The following TCF7L1 variants were observed in gnomAD, a reference collection of about 807,000 sequenced individuals.
The protein encoded by TCF7L1 is transcription factor 7 like 1, also known as transcription factor 7-like 1.
TCF7L1 carries 18 observed loss-of-function variants against 63.7 expected under a neutral mutation model. The observed-to-expected ratio is 0.28, with a 90% confidence interval of 0.20 to 0.42. TCF7L1 has a LOEUF of 0.42. Ranked by LOEUF, TCF7L1 falls within the 10% of genes least tolerant of loss-of-function variation. The pLI is 1.00. For synonymous variants in TCF7L1, 355 were observed against 340.9 expected (o/e 1.04, Z -0.46); for missense variants, 654 against 779.3 (o/e 0.84, Z 1.91).
intron 3 of TCF7L1, among the ~76,000 whole-genome samples, chr2:85,263,756 A>T: frequency 6.6e-6 from 1 of 152,218 alleles, no homozygotes; most frequent in Non-Finnish European, 1.5e-5. Flanking sequence ...AGCTGCAGAG[A>T]TGAGCGTGAT....
chr2:85,293,415 C>T (rs528983491), intron 4 of TCF7L1, among the ~76,000 whole-genome samples: 10 of 152,318 alleles, frequency 6.6e-5, no homozygotes, highest in Non-Finnish European at 1.2e-4. Flanking sequence ...AAGTAAGATG[C>T]GCCTGCTTCC....
At chr2:85,281,604 G>C (rs2104366683) in intron 3 of TCF7L1, among the ~76,000 whole-genome samples, 1 of 152,278 alleles carries the variant, frequency 6.6e-6, no homozygotes, top group South Asian at 2.1e-4. Flanking sequence ...GATAGGGTCA[G>C]CAGAGGACAG....
At chr2:85,266,791 A>G (rs1680985573) in intron 3 of TCF7L1, among the ~76,000 whole-genome samples, 1 of 152,204 alleles carries the variant, frequency 6.6e-6, no homozygotes, top group South Asian at 2.1e-4. Flanking sequence ...ATTTGCTTAC[A>G]TTAGTATTTC....
intron 4 of TCF7L1, among the ~76,000 whole-genome samples, chr2:85,286,006 A>G (rs999504453): frequency 6.6e-6 from 1 of 151,768 alleles, no homozygotes; most frequent in Non-Finnish European, 1.5e-5. Flanking sequence ...AGCCTGACCA[A>G]TGTGGAGAAA....
intron 3 of TCF7L1, among the ~76,000 whole-genome samples, chr2:85,201,641 G>C (rs891775000): frequency 6.6e-6 from 1 of 152,112 alleles, no homozygotes; most frequent in Non-Finnish European, 1.5e-5. Flanking sequence ...GCTGGGTTGC[G>C]TGGTCACTTT....
chr2:85,255,225 C>G (rs1244815223), intron 3 of TCF7L1, among the ~76,000 whole-genome samples: 1 of 152,136 alleles, frequency 6.6e-6, no homozygotes, highest in East Asian at 1.9e-4. Flanking sequence ...TTGTTCACTT[C>G]CAGGGCCTCT....
intron 3 of TCF7L1, among the ~76,000 whole-genome samples, chr2:85,231,170 G>A (rs911189844): frequency 1.2e-4 from 18 of 152,184 alleles, no homozygotes; most frequent in Non-Finnish European, 2.5e-4. Flanking sequence ...GGCCTGTTGA[G>A]GTGGGTCTGT....
chr2:85,306,248 C>A lies in TCF7L1; in HGVS notation c.1032C>A (p.Pro344=), dbSNP rs767065446. ...TGAAAAAGGAGGAGGAAAAGAAGCC[C>A]CACGTGAAGAAGCCTCTGAATGCCT... is the stretch of plus-strand genomic sequence containing the variant. ...VTVKKEEEKK[P]HVKKPLNAFM... Residue 344 remains proline, a synonymous_variant, in exon 9 of 12, where the codon CCC becomes CCA. Coordinates refer to ENST00000282111, the MANE Select transcript of TCF7L1 (RefSeq NM_031283.3). The surrounding 1 kb of genome is among the most constrained non-coding windows in gnomAD (Gnocchi z 4.3). The A allele has an allele frequency of 6.2e-7, 1 of 1,614,094 alleles. No individual in the cohort carries two copies. Among genetic ancestry groups the A allele is most frequent in the Non-Finnish European group, 8.5e-7 (1 of 1,180,030 alleles).
At chr2:85,301,343 G>C (rs1035322339) in intron 4 of TCF7L1, among the ~76,000 whole-genome samples, 2 of 152,150 alleles carry the variant, frequency 1.3e-5, no homozygotes, top group African/African-American at 2.4e-5. Flanking sequence ...CTCTGGAATG[G>C]GGGTAATCAC....
chr2:85,134,217 C>A lies in TCF7L1; in HGVS notation c.314-106C>A. 1 of 1,479,008 alleles carries A rather than the reference C, an allele frequency of 6.8e-7. No individual in the cohort carries two copies. Among genetic ancestry groups the A allele is most frequent in the Non-Finnish European group, 9.0e-7 (1 of 1,112,958 alleles). The allele number at this position is 1,479,008 out of a possible 1,614,324, so 91.6% of individuals were successfully genotyped here. A position where few individuals can be genotyped will look rare whatever the true frequency, so the allele number is the denominator to read the frequency against. On this transcript the variant is annotated intron_variant, in intron 2 of 11. Coordinates refer to ENST00000282111, the MANE Select transcript of TCF7L1 (RefSeq NM_031283.3). The surrounding 1 kb of genome is among the most constrained non-coding windows in gnomAD (Gnocchi z 5.0). ...TTTATTGGCGGCAGCCCCCGTGGGG[C>A]GCGCGTGGGGGGCGCTGGGGTCCCC...
In TCF7L1 at chr2:85,296,558, G is replaced by C. The variant is rs138542052; in HGVS notation, c.526-5926G>C. Among the ~76,000 whole-genome samples, 691 of 152,284 alleles carry C rather than the reference G, an allele frequency of 4.5e-3. 7 individuals carry two copies. The highest frequency in any genetic ancestry group is 0.016 in the African/African-American group (644 of 41,548). Reference sequence around the variant, plus strand: ...ATTTTTCCCTTTGTAATTAATAAGTGTTTTGTAGGGAGAGGCTCCAAGGCT... The same window carrying C: ...ATTTTTCCCTTTGTAATTAATAAGTCTTTTGTAGGGAGAGGCTCCAAGGCT... On this transcript the variant is annotated intron_variant, in intron 4 of 11. Transcript: ENST00000282111.
chr2:85,299,539 C>G (rs1036046579), intron 4 of TCF7L1, among the ~76,000 whole-genome samples: 3 of 150,990 alleles, frequency 2.0e-5, no homozygotes, highest in Non-Finnish European at 2.9e-5. Flanking sequence ...GGTGACAGAG[C>G]AAGACTCTGT....
At position 85,133,615 on chromosome 2, in the gene TCF7L1, C is replaced by A; in HGVS notation, c.-70C>A. On this transcript the variant is annotated 5_prime_UTR_variant, in exon 1 of 12. Transcript: ENST00000282111. The surrounding 1 kb of genome is among the most constrained non-coding windows in gnomAD (Gnocchi z 4.4). Reference sequence around the variant, plus strand: ...GCCCGCAAGCGGGCGGGAGGGGCGCCGGGCCGGGCCGGGCAGGGCGCGGGC... The same window carrying A: ...GCCCGCAAGCGGGCGGGAGGGGCGCAGGGCCGGGCCGGGCAGGGCGCGGGC... 1.7e-6 allele frequency: 1 copy of A among 579,786 alleles called. No homozygotes were observed. The highest frequency in any genetic ancestry group is 2.2e-6 in the Non-Finnish European group (1 of 461,418). 35.9% of individuals were successfully genotyped at this position (579,786 alleles called of 1,614,324 possible). A position where few individuals can be genotyped will look rare whatever the true frequency, so the allele number is the denominator to read the frequency against.
rs568962491 is a variant in TCF7L1, at chr2:85,302,921, G to A, written c.658+305G>A. Among the ~76,000 whole-genome samples, 15 of 152,026 alleles carry A rather than the reference G, an allele frequency of 9.9e-5. No homozygotes were observed. In the East Asian group the frequency reaches 2.1e-3, roughly 22 times the overall value. The stretch of plus-strand genomic sequence containing the variant: ...CCCAAGTCTAGCCCAGCTGTGGGCC[G>A]TGCTTCCCTACACCAAGACATGTTT... On this transcript the variant is annotated intron_variant, in intron 5 of 11. Transcript: ENST00000282111.
intron 3 of TCF7L1, among the ~76,000 whole-genome samples, chr2:85,167,590 T>C (rs1678448373): frequency 6.6e-6 from 1 of 152,120 alleles, no homozygotes; most frequent in Admixed American, 6.6e-5. Flanking sequence ...GAGCCAGGCA[T>C]GGTGGTTCAT....
At chr2:85,194,486 C>A (rs1460549300) in intron 3 of TCF7L1, among the ~76,000 whole-genome samples, 1 of 152,078 alleles carries the variant, frequency 6.6e-6, no homozygotes, top group Non-Finnish European at 1.5e-5. Flanking sequence ...CCAAGTCTGC[C>A]AGGAGAAATA....
chr2:85,206,471 T>C (rs77090370), intron 3 of TCF7L1, among the ~76,000 whole-genome samples: 161 of 152,378 alleles, frequency 1.1e-3, no homozygotes, highest in African/African-American at 3.7e-3. Flanking sequence ...CACTAATTCA[T>C]TGACTGCCAA....
chr2:85,246,594 C>T (rs1475332389), intron 3 of TCF7L1, among the ~76,000 whole-genome samples: 1 of 152,302 alleles, frequency 6.6e-6, no homozygotes, highest in Admixed American at 6.5e-5. Context: ...AGGCGAGGCT[C>T]TCCACGCAGG....
intron 3 of TCF7L1, among the ~76,000 whole-genome samples, chr2:85,207,264 G>A (rs978654739): frequency 4.6e-5 from 7 of 152,174 alleles, no homozygotes; most frequent in Non-Finnish European, 8.8e-5. Flanking sequence ...ACACAAAGCA[G>A]TGGTTGCTGG....
Sources: allele counts gnomAD v4.1 joint callset (sites outside exome capture counted in the v4.1 genomes callset), GRCh38; gene constraint gnomAD v4.1.1; non-coding constraint Gnocchi (gnomAD v3.1); transcripts MANE v1.5; gene names NCBI Gene and HGNC (gene_info 2026-07-23, HGNC 2026-07-21).